STARD9: variants seen among roughly 807,000 people sequenced by gnomAD.
STARD9 encodes StAR related lipid transfer domain containing 9, also known as stAR-related lipid transfer protein 9.
A neutral mutation model predicts 399.8 loss-of-function variants in STARD9; 346 were observed. The ratio of observed to expected loss-of-function variants is 0.87; its 90% confidence interval spans 0.79 to 0.95. The LOEUF is 0.95. Among genes scored for constraint, STARD9 ranks in the 40% least tolerant of loss-of-function variants. The pLI is 0.00. For missense variants in STARD9, 5,832 were observed against 5,667.5 expected, an observed-to-expected ratio of 1.03 and a Z score of -0.93; for synonymous variants, 2,203 against 2,143.5, an observed-to-expected ratio of 1.03 and a Z score of -0.77.
intron 7 of STARD9, among the ~76,000 whole-genome samples, chr15:42,640,263 C>T (rs1170611432): frequency 1.3e-5 from 2 of 152,184 alleles, no homozygotes; most frequent in East Asian, 1.9e-4. Context: ...ACATGAACAT[C>T]AAGAGCCGGT....
rs1425664153 is a variant in STARD9, at chr15:42,718,086, G to A, written c.13669G>A (p.Ala4557Thr). The A allele has an allele frequency of 1.3e-6, 2 of 1,537,242 alleles. No homozygotes were observed. The highest frequency in any genetic ancestry group is 8.7e-7 in the Non-Finnish European group (1 of 1,146,914). Residue 4557 changes from alanine to threonine, a missense_variant, in exon 30 of 33, where the codon GCG becomes ACG. By Grantham distance (58) the Ala-to-Thr change is moderately conservative. Around this residue, in one of 2 missense-constraint regions of STARD9, gnomAD observed 5,828 missense variants for 5,651.1 expected, o/e 1.03. Transcript: ENST00000290607. Reference protein sequence around the residue: ...VVSQPLSRVWAAVSDPTVWPL... With the variant: ...VVSQPLSRVWTAVSDPTVWPL... ...GTCCCAGCCGCTGTCTCGTGTGTGG[G>A]CGGCTGTCAGTGACCCCACTGTGTG...
intron 17 of STARD9, 138 bp from the exon 18 acceptor site, chr15:42,674,689 G>A: frequency 7.5e-7 from 1 of 1,327,100 alleles, no homozygotes; most frequent in Non-Finnish European, 1.0e-6. Flanking sequence ...TCAGGTCTGG[G>A]TGGTTTCAGG....
At chr15:42,707,879 A>T (rs2061124149) in intron 26 of STARD9, among the ~76,000 whole-genome samples, 1 of 152,062 alleles carries the variant, frequency 6.6e-6, no homozygotes, top group Non-Finnish European at 1.5e-5. Flanking sequence ...GATGAAAAGT[A>T]AAAAAATTTG....
intron 20 of STARD9, 86 bp downstream of exon 20, chr15:42,676,061 G>T: frequency 4.5e-6 from 4 of 883,518 alleles, no homozygotes; most frequent in Middle Eastern, 2.4e-4. Flanking sequence ...GGGGGTGGGG[G>T]GTGATTAATG....
At chr15:42,694,472 G>C (rs773076615) in intron 23 of STARD9, 56 bp from the exon 24 acceptor site, 1 of 1,528,344 alleles carries the variant, frequency 6.5e-7, no homozygotes, top group Non-Finnish European at 8.8e-7. Flanking sequence ...GTCAGAGATA[G>C]ATCTTAAAGT....
At chr15:42,625,751 A>G (rs1468965692) in intron 3 of STARD9, among the ~76,000 whole-genome samples, 1 of 151,064 alleles carries the variant, frequency 6.6e-6, no homozygotes. Flanking sequence ...ATAGACATGC[A>G]TGAAACTTTT....
At chr15:42,607,418 G>T (rs1449026339) in intron 3 of STARD9, among the ~76,000 whole-genome samples, 5 of 151,470 alleles carry the variant, frequency 3.3e-5, no homozygotes, top group African/African-American at 1.2e-4. Flanking sequence ...GGCCAGGCTG[G>T]TCTCAAACTC....
chr15:42,589,509 G>A (rs1433233392), intron 3 of STARD9, among the ~76,000 whole-genome samples: 1 of 151,904 alleles, frequency 6.6e-6, no homozygotes, highest in African/African-American at 2.4e-5. Flanking sequence ...TGTCCCTACA[G>A]TTTTATCAGT....
Position 42,682,536 on chromosome 15 carries a change from C to T in STARD9, c.2498C>T (p.Pro833Leu). Residue 833 changes from proline (P) to leucine (L), a missense_variant, in exon 22 of 33, where the codon CCC (proline) becomes CTC (leucine). Pro to Leu is a moderately conservative substitution (Grantham distance 98). Transcript: ENST00000290607. ...TTGACGAGTTGCAGTTCTTTGAGCC[C>T]CCAAAGACTCTGCAGCAAGCACATG... is the stretch of plus-strand genomic sequence containing the variant. The part of the protein sequence containing the change: ...SKLTSCSSLS[P>L]QRLCSKHMPQ... The T allele has an allele frequency of 5.2e-6, 8 of 1,537,062 alleles. No individual in the cohort carries two copies. The highest frequency in any genetic ancestry group is 7.0e-6 in the Non-Finnish European group (8 of 1,146,854).
chr15:42,688,833 C>G lies in STARD9; in HGVS notation c.7255C>G (p.His2419Asp), dbSNP rs987894299. ...GSVRSMAMGS[H>D]SQSGVPESIP... ...TGTGCGATCCATGGCCATGGGATCTCATAGTCAATCTGGTGTACCAGAGAG... is the reference window on the plus strand; with the variant it reads ...TGTGCGATCCATGGCCATGGGATCTGATAGTCAATCTGGTGTACCAGAGAG... Residue 2419 changes from histidine to aspartate, a missense_variant, in exon 23 of 33, where the codon CAT becomes GAT. Around this residue, in one of 2 missense-constraint regions of STARD9, gnomAD observed 5,828 missense variants for 5,651.1 expected, o/e 1.03. Transcript: ENST00000290607. 1 of 1,537,290 alleles carries G rather than the reference C, an allele frequency of 6.5e-7. No homozygotes were observed.
Position 42,695,862 on chromosome 15 carries a change from C to T in STARD9, c.13266C>T (p.Leu4422=). The part of the protein sequence containing the change: ...YNSSPALSGQ[L]QFPENMGHTN... ...GCAGCCCAGCCTTGTCAGGCCAGCTCCAGTTCCCAGAGAATATGGTGAGTA... is the reference window on the plus strand; with the variant it reads ...GCAGCCCAGCCTTGTCAGGCCAGCTTCAGTTCCCAGAGAATATGGTGAGTA... Residue 4422 remains leucine, a synonymous_variant, in exon 26 of 33, where the codon CTC becomes CTT. Transcript: ENST00000290607. 6 of 1,537,144 alleles carry T rather than the reference C, an allele frequency of 3.9e-6. No homozygotes were observed. The highest frequency in any genetic ancestry group is 1.2e-5 in the South Asian group (1 of 84,042).
intron 3 of STARD9, among the ~76,000 whole-genome samples, chr15:42,618,908 G>A (rs911490384): frequency 6.6e-6 from 1 of 151,650 alleles, no homozygotes; most frequent in African/African-American, 2.4e-5. Context: ...CTTTTTTCTT[G>A]TCCCCAGATA....
At chr15:42,575,988 T>C (rs960582709) in intron 1 of STARD9, among the ~76,000 whole-genome samples, 1 of 152,178 alleles carries the variant, frequency 6.6e-6, no homozygotes, top group African/African-American at 2.4e-5. Flanking sequence ...AGGGCTGCCC[T>C]GGGTGAGCGT....
chr15:42,717,351 G>GGT (rs2061369390), intron 28 of STARD9, among the ~76,000 whole-genome samples: 1 of 151,976 alleles, frequency 6.6e-6, no homozygotes, highest in Admixed American at 6.6e-5. Context: ...GGCCAGGCGT[G>GGT]GTAGCTCACA....
intron 3 of STARD9, among the ~76,000 whole-genome samples, chr15:42,590,859 G>T (rs991322991): frequency 6.6e-6 from 1 of 152,138 alleles, no homozygotes; most frequent in African/African-American, 2.4e-5. Flanking sequence ...GTGGGGAGGG[G>T]ACCAGGCCAT....
chr15:42,681,878 G>A (rs1398686455), intron 21 of STARD9, among the ~76,000 whole-genome samples: 2 of 152,080 alleles, frequency 1.3e-5, no homozygotes, highest in Admixed American at 6.5e-5. Context: ...ATACCCTACC[G>A]CCTGCCCTAG....
intron 3 of STARD9, among the ~76,000 whole-genome samples, chr15:42,614,794 G>C (rs1388156077): frequency 6.6e-6 from 1 of 151,738 alleles, no homozygotes; most frequent in Admixed American, 6.6e-5. Flanking sequence ...GTGAAACCCC[G>C]TCTCTACTAA....
At chr15:42,702,297 G>A (rs527783433) in intron 26 of STARD9, among the ~76,000 whole-genome samples, 18 of 152,130 alleles carry the variant, frequency 1.2e-4, no homozygotes, top group Non-Finnish European at 1.8e-4. Flanking sequence ...TCTGCCTCCC[G>A]GGTTCAAATG....
At chr15:42,619,691 G>C (rs890330337) in intron 3 of STARD9, among the ~76,000 whole-genome samples, 6 of 152,198 alleles carry the variant, frequency 3.9e-5, no homozygotes, top group African/African-American at 1.4e-4. Context: ...AGGCAATGAA[G>C]TGAGCAATGG....
Sources: gnomAD v4.1 joint callset for allele counts (sites outside exome capture counted in the v4.1 genomes callset) on GRCh38, gnomAD v4.1.1 for gene constraint, gnomAD v4.1.1 regional missense constraint, MANE v1.5 for transcripts, NCBI Gene and HGNC (gene_info 2026-07-23, HGNC 2026-07-21) for gene names.